NKAIN3: variants seen among roughly 807,000 people sequenced by gnomAD.
NKAIN3 encodes sodium/potassium-transporting ATPase subunit beta-1-interacting protein 3.
A neutral mutation model predicts 30.2 loss-of-function variants in NKAIN3; 25 were observed. The ratio of observed to expected loss-of-function variants is 0.83; its 90% CI spans 0.60 to 1.16. The LOEUF is 1.16. NKAIN3 is among the 50% of genes most tolerant of loss of function. The pLI, the probability that NKAIN3 is intolerant of heterozygous loss-of-function variation, is 0.00. For missense variants in NKAIN3, 225 were observed against 254.1 expected, an observed-to-expected ratio of 0.89 and a Z score of 0.78; for synonymous variants, 91 against 89.6, an observed-to-expected ratio of 1.02 and a Z score of -0.09.
chr8:62,494,226 A>G (rs1232406234), intron 1 of NKAIN3, among the ~76,000 whole-genome samples: 1 of 152,174 alleles, frequency 6.6e-6, no homozygotes, highest in Non-Finnish European at 1.5e-5. Flanking sequence ...AATTTTTAAC[A>G]TGAAATGATG....
intron 1 of NKAIN3, among the ~76,000 whole-genome samples, chr8:62,445,806 A>G (rs1332695831): frequency 6.6e-6 from 1 of 152,184 alleles, no homozygotes; most frequent in Non-Finnish European, 1.5e-5. Flanking sequence ...TTCATATTGA[A>G]GTCTGGGGAC....
intron 4 of NKAIN3, among the ~76,000 whole-genome samples, chr8:62,908,225 G>A (rs1586334641): frequency 6.6e-6 from 1 of 152,156 alleles, no homozygotes; most frequent in African/African-American, 2.4e-5. Context: ...TCTCCCATTT[G>A]CAATAGGTGT....
chr8:62,501,478 A>G lies in NKAIN3; in HGVS notation c.55-78061A>G, dbSNP rs185253557. Among the ~76,000 whole-genome samples the G allele has an allele frequency of 4.8e-3, 727 of 151,786 alleles. 7 individuals carry two copies. Among genetic ancestry groups the G allele is most frequent in the Middle Eastern group, 0.01 (3 of 294 alleles). ...TTCCTCCTGAGTTACAAGGCTTTCT[A>G]TTTTCTCATGTCTTTCTGGTCATCT... On this transcript the variant is annotated intron_variant, in intron 1 of 6. Coordinates refer to ENST00000623646, the MANE Select transcript of NKAIN3 (RefSeq NM_001304533.3).
At chr8:62,300,901 A>G (rs1814026268) in intron 1 of NKAIN3, among the ~76,000 whole-genome samples, 1 of 152,132 alleles carries the variant, frequency 6.6e-6, no homozygotes, top group African/African-American at 2.4e-5. Context: ...TAATGTAGAA[A>G]TCATTACGAA....
chr8:62,686,570 A>G lies in NKAIN3; in HGVS notation c.274-60362A>G, dbSNP rs140944740. Among the ~76,000 whole-genome samples the G allele has an allele frequency of 3.7e-4, 56 of 152,274 alleles. 1 individual carries two copies. In the East Asian group the frequency reaches 0.01, roughly 28 times the overall value. ...GGTGTAATTTAATATAAGATTCCAAATCTAGGGTTTTTTTTAAACATTTAA... is the reference window on the plus strand; with the variant it reads ...GGTGTAATTTAATATAAGATTCCAAGTCTAGGGTTTTTTTTAAACATTTAA... On this transcript the variant is annotated intron_variant, in intron 3 of 6. Coordinates refer to ENST00000623646, the MANE Select transcript of NKAIN3 (RefSeq NM_001304533.3).
intron 4 of NKAIN3, among the ~76,000 whole-genome samples, chr8:62,912,010 G>A (rs547361820): frequency 2.6e-5 from 4 of 152,164 alleles, no homozygotes; most frequent in Admixed American, 1.3e-4. Context: ...TGAGAAATGC[G>A]GCCTTAGGCG....
chr8:62,646,633 T>C (rs1812467911), intron 3 of NKAIN3, among the ~76,000 whole-genome samples: 1 of 152,160 alleles, frequency 6.6e-6, no homozygotes, highest in South Asian at 2.1e-4. Flanking sequence ...GCAAATCTAT[T>C]CCATTAAACA....
intron 4 of NKAIN3, among the ~76,000 whole-genome samples, chr8:62,896,095 T>C (rs1821420009): frequency 6.6e-6 from 1 of 152,040 alleles, no homozygotes; most frequent in South Asian, 2.1e-4. Flanking sequence ...AACAGAAATG[T>C]ATTTGTCGCA....
chr8:62,419,607 G>T (rs566514609), intron 1 of NKAIN3, among the ~76,000 whole-genome samples: 7 of 152,282 alleles, frequency 4.6e-5, no homozygotes, highest in Middle Eastern at 3.4e-3. Context: ...GATAAATCTT[G>T]TAGAGAAGGA....
At chr8:62,579,707 A>G in intron 2 of NKAIN3, 31 bp downstream of exon 2, 2 of 1,301,440 alleles carry the variant, frequency 1.5e-6, no homozygotes, top group Non-Finnish European at 2.0e-6. Context: ...TTTGCTTCAT[A>G]TAAACAATTC....
At chr8:62,862,842 G>A (rs1820295108) in intron 4 of NKAIN3, among the ~76,000 whole-genome samples, 1 of 152,114 alleles carries the variant, frequency 6.6e-6, no homozygotes, top group Non-Finnish European at 1.5e-5. Flanking sequence ...GCTCAGATTA[G>A]GAAAAACGGC....
intron 1 of NKAIN3, among the ~76,000 whole-genome samples, chr8:62,291,534 G>T (rs191228603): frequency 3.8e-3 from 582 of 152,308 alleles, no homozygotes; most frequent in Non-Finnish European, 6.9e-3. Context: ...CAGTTTCCAT[G>T]TAGTTTAGAT....
intron 3 of NKAIN3, among the ~76,000 whole-genome samples, chr8:62,614,516 G>A (rs1281349942): frequency 1.3e-5 from 2 of 152,062 alleles, no homozygotes; most frequent in African/African-American, 4.8e-5. Flanking sequence ...TACTGCCTAT[G>A]TTTACTTAAG....
chr8:62,577,536 CTTT>C lies in NKAIN3; in HGVS notation c.55-1988_55-1986del, dbSNP rs35130487. Among the ~76,000 whole-genome samples, 6 of 111,176 alleles carry C rather than the reference CTTT, an allele frequency of 5.4e-5. No homozygotes were observed. In the South Asian group the frequency reaches 1.5e-3, roughly 28 times the overall value. 72.9% of individuals were successfully genotyped at this position (111,176 alleles called of 152,430 possible). On this transcript the variant is annotated intron_variant, in intron 1 of 6. Coordinates refer to ENST00000623646, the MANE Select transcript of NKAIN3 (RefSeq NM_001304533.3). ...GCCTGCAGCTGCTCTTCAGGGTTTC[CTTT>C]TTTTTTTTTTTTTTAGTATTTTAGT... is the stretch of plus-strand genomic sequence containing the variant.
intron 1 of NKAIN3, among the ~76,000 whole-genome samples, chr8:62,406,920 CA>C (rs575124194): frequency 8.4e-4 from 128 of 152,242 alleles, no homozygotes; most frequent in African/African-American, 2.8e-3. Flanking sequence ...AGCAATGTTT[CA>C]ATTTGTTTCA....
chr8:62,869,441 CT>C (rs1302018306), intron 4 of NKAIN3, among the ~76,000 whole-genome samples: 2 of 152,080 alleles, frequency 1.3e-5, no homozygotes, highest in Non-Finnish European at 2.9e-5. Context: ...TTTTCTGTTC[CT>C]GTGTTAGTTT....
At chr8:62,799,921 G>A (rs1175079372) in intron 4 of NKAIN3, among the ~76,000 whole-genome samples, 1 of 152,132 alleles carries the variant, frequency 6.6e-6, no homozygotes, top group Non-Finnish European at 1.5e-5. Flanking sequence ...GGAATTGGAG[G>A]CTATTATTCT....
intron 3 of NKAIN3, among the ~76,000 whole-genome samples, chr8:62,740,151 C>T (rs965822327): frequency 2.0e-5 from 3 of 151,968 alleles, no homozygotes; most frequent in Non-Finnish European, 4.4e-5. Context: ...TTTAGTGTTT[C>T]AGGAAAAAGA....
At chr8:62,916,923 G>T (rs1822123409) in intron 4 of NKAIN3, among the ~76,000 whole-genome samples, 1 of 151,800 alleles carries the variant, frequency 6.6e-6, no homozygotes, top group Non-Finnish European at 1.5e-5. Flanking sequence ...TGCTTTTAGG[G>T]GTTCTTCAGA....
Sources: gnomAD v4.1 joint callset for allele counts (sites outside exome capture counted in the v4.1 genomes callset) on GRCh38, gnomAD v4.1.1 for gene constraint, MANE v1.5 for transcripts, NCBI Gene and HGNC (gene_info 2026-07-23, HGNC 2026-07-21) for gene names.